The following SPMIP7 variants were observed in gnomAD, a reference collection of about 807,000 sequenced individuals.
SPMIP7 encodes protein SPMIP7.
the SPMIP7 span, among the ~76,000 whole-genome samples, chr7:50,158,659 C>T: frequency 6.6e-6 from 1 of 152,092 alleles, no homozygotes; most frequent in African/African-American, 2.4e-5. Context: ...TCTGCCTGTC[C>T]CATGTCTTGT....
At chr7:50,134,350 A>G in the SPMIP7 span, 1 of 1,005,994 alleles carries the variant, frequency 9.9e-7, no homozygotes, top group Non-Finnish European at 1.4e-6. Context: ...ACAATACCTA[A>G]GGAAGTAAAT....
the SPMIP7 span, among the ~76,000 whole-genome samples, chr7:50,114,856 C>A: frequency 2.0e-5 from 3 of 151,854 alleles, no homozygotes; most frequent in Non-Finnish European, 4.4e-5. Flanking sequence ...ATGGTAAAAC[C>A]CTGTCTCTAT....
At chr7:50,151,465 A>C in the SPMIP7 span, 1 of 1,550,974 alleles carries the variant, frequency 6.4e-7, no homozygotes, top group African/African-American at 1.4e-5. Context: ...CAAATATTCC[A>C]GGATATACCG....
At chr7:50,102,764 T>C in the SPMIP7 span, among the ~76,000 whole-genome samples, 4 of 152,098 alleles carry the variant, frequency 2.6e-5, no homozygotes, top group Non-Finnish European at 5.9e-5. Flanking sequence ...ACTAATGATA[T>C]TACAACCACT....
the SPMIP7 span, among the ~76,000 whole-genome samples, chr7:50,127,516 C>A: frequency 6.7e-6 from 1 of 148,714 alleles, no homozygotes; most frequent in Non-Finnish European, 1.5e-5. Flanking sequence ...GATTAATAAC[C>A]AGAATGTATA....
chr7:50,126,836 A>G, the SPMIP7 span, among the ~76,000 whole-genome samples: 1 of 152,004 alleles, frequency 6.6e-6, no homozygotes, highest in South Asian at 2.1e-4. Context: ...ACGTATATTG[A>G]ACACAGAGTA....
At chr7:50,152,596 C>T in the SPMIP7 span, among the ~76,000 whole-genome samples, 4 of 152,096 alleles carry the variant, frequency 2.6e-5, no homozygotes, top group African/African-American at 7.2e-5. Context: ...GACGGCAGTT[C>T]GCCCCCAAAA....
the SPMIP7 span, among the ~76,000 whole-genome samples, chr7:50,105,437 G>T: frequency 6.6e-6 from 1 of 152,138 alleles, no homozygotes; most frequent in East Asian, 1.9e-4. Context: ...TGATCTGCCT[G>T]AGAATTTACC....
chr7:50,147,616 G>T, the SPMIP7 span, among the ~76,000 whole-genome samples: 5 of 152,102 alleles, frequency 3.3e-5, no homozygotes, highest in African/African-American at 1.2e-4. Context: ...TATATTCTAC[G>T]TATAACATGG....
chr7:50,096,792 T>A, the SPMIP7 span, among the ~76,000 whole-genome samples: 1 of 152,190 alleles, frequency 6.6e-6, no homozygotes, highest in Non-Finnish European at 1.5e-5. Context: ...AACAAAGGAA[T>A]GATAAACCTT....
At chr7:50,141,387 C>T in the SPMIP7 span, 25 of 1,514,832 alleles carry the variant, frequency 1.7e-5, no homozygotes, top group Non-Finnish European at 2.0e-5. Flanking sequence ...AAACACAAGT[C>T]GGTGAGTTCC....
chr7:50,148,078 A>C, the SPMIP7 span, among the ~76,000 whole-genome samples: 1 of 152,334 alleles, frequency 6.6e-6, no homozygotes, highest in African/African-American at 2.4e-5. Flanking sequence ...TTCCCCAGAG[A>C]GTATTCTCCT....
At chr7:50,141,801 C>A in the SPMIP7 span, 1 of 140,292 alleles carries the variant, frequency 7.1e-6, no homozygotes. Flanking sequence ...GCAATCTCGG[C>A]TCACTGCAGA....
the SPMIP7 span, among the ~76,000 whole-genome samples, chr7:50,147,156 T>A: frequency 5.9e-5 from 9 of 152,360 alleles, no homozygotes; most frequent in Admixed American, 5.2e-4. Flanking sequence ...GGGAGCTAAG[T>A]CAGCTTGATG....
At chr7:50,126,073 G>A in the SPMIP7 span, among the ~76,000 whole-genome samples, 16 of 151,998 alleles carry the variant, frequency 1.1e-4, no homozygotes, top group African/African-American at 3.4e-4. Flanking sequence ...TACATGTATC[G>A]AATCATCATG....
At chr7:50,149,989 G>A in the SPMIP7 span, among the ~76,000 whole-genome samples, 3 of 152,118 alleles carry the variant, frequency 2.0e-5, no homozygotes, top group Non-Finnish European at 4.4e-5. Flanking sequence ...GAGATGACAT[G>A]GGGAACCGGG....
the SPMIP7 span, among the ~76,000 whole-genome samples, chr7:50,126,685 G>A: frequency 2.0e-5 from 3 of 151,766 alleles, no homozygotes; most frequent in African/African-American, 4.8e-5. Flanking sequence ...TCCTAATCAA[G>A]TAAAGTTTAT....
chr7:50,130,930 G>A, the SPMIP7 span, among the ~76,000 whole-genome samples: 3,327 of 152,142 alleles, frequency 0.022, 47 homozygotes, highest in Middle Eastern at 0.058. Context: ...AAAAGGAGAG[G>A]TCAGAGAAGT....
At chr7:50,136,041 C>A in the SPMIP7 span, 1 of 1,299,532 alleles carries the variant, frequency 7.7e-7, no homozygotes, top group Non-Finnish European at 1.1e-6. Context: ...AGGAGTTTAT[C>A]CACCAGAAAT....
Sources: allele counts gnomAD v4.1 joint callset (sites outside exome capture counted in the v4.1 genomes callset), GRCh38; gene constraint gnomAD v4.1.1; transcripts MANE v1.5; gene names NCBI Gene and HGNC (gene_info 2026-07-23, HGNC 2026-07-21).